NBAS: variants seen among roughly 807,000 people sequenced by gnomAD.
The protein encoded by NBAS is NAG/BC035112 fusion.
NBAS carries 219 observed loss-of-function variants against 302.5 expected under a neutral mutation model. The ratio of observed to expected loss-of-function variants is 0.72; its 90% CI spans 0.65 to 0.81. The LOEUF is 0.81. Ranked by LOEUF, NBAS falls within the 30% of genes least tolerant of loss-of-function variation. NBAS has a pLI of 0.00. For synonymous variants in NBAS, 1,118 were observed against 1,021.6 expected (o/e 1.09, Z -1.80); for missense variants, 2,932 against 2,841.6 (o/e 1.03, Z -0.72).
chr2:15,012,474 G>GA, the NBAS span, among the ~76,000 whole-genome samples: 1 of 152,128 alleles, frequency 6.6e-6, no homozygotes, highest in Non-Finnish European at 1.5e-5. Context: ...GAAAGCTGCA[G>GA]AAAATATATT....
At chr2:15,234,514 G>C (rs1414506818) in intron 46 of NBAS, 31 bp downstream of exon 46, 1 of 1,608,384 alleles carries the variant, frequency 6.2e-7, no homozygotes, top group East Asian at 2.2e-5. Flanking sequence ...TGTCACCCCA[G>C]TTTTTCCACA....
At chr2:15,116,317 G>C in the NBAS span, among the ~76,000 whole-genome samples, 2 of 152,268 alleles carry the variant, frequency 1.3e-5, no homozygotes, top group East Asian at 3.9e-4. Flanking sequence ...ATTTCTTACA[G>C]TTCCCAAGGC....
the NBAS span, among the ~76,000 whole-genome samples, chr2:14,946,598 A>G: frequency 6.6e-6 from 1 of 152,202 alleles, no homozygotes; most frequent in Non-Finnish European, 1.5e-5. Context: ...AGAGCAAAGG[A>G]CTTCAACACC....
chr2:15,120,270 G>T, the NBAS span, among the ~76,000 whole-genome samples: 4 of 152,090 alleles, frequency 2.6e-5, no homozygotes, highest in African/African-American at 7.2e-5. Flanking sequence ...CCACGCCAGG[G>T]TATTGGTTGG....
At chr2:15,495,595 G>C (rs1214714285) in intron 11 of NBAS, among the ~76,000 whole-genome samples, 1 of 152,076 alleles carries the variant, frequency 6.6e-6, no homozygotes, top group Non-Finnish European at 1.5e-5. Context: ...TAAATAAACA[G>C]ATAAACCTAA....
At chr2:14,792,789 AT>A in the NBAS span, among the ~76,000 whole-genome samples, 1 of 152,190 alleles carries the variant, frequency 6.6e-6, no homozygotes, top group African/African-American at 2.4e-5. Flanking sequence ...CACAACTTGA[AT>A]GAGAAAAGGT....
chr2:15,031,638 C>T, the NBAS span, among the ~76,000 whole-genome samples: 1 of 152,192 alleles, frequency 6.6e-6, no homozygotes, highest in Non-Finnish European at 1.5e-5. Flanking sequence ...GTAAGAGGGG[C>T]TTCGGAACCA....
chr2:14,996,968 C>T, the NBAS span, among the ~76,000 whole-genome samples: 1 of 152,050 alleles, frequency 6.6e-6, no homozygotes, highest in African/African-American at 2.4e-5. Flanking sequence ...GATTCTAAAA[C>T]AAACAAAGAA....
At chr2:14,917,713 G>A in the NBAS span, among the ~76,000 whole-genome samples, 1 of 152,178 alleles carries the variant, frequency 6.6e-6, no homozygotes, top group Non-Finnish European at 1.5e-5. Flanking sequence ...AGGCATTACT[G>A]TGGCAGCCCT....
At chr2:14,861,310 T>G in the NBAS span, among the ~76,000 whole-genome samples, 1 of 152,236 alleles carries the variant, frequency 6.6e-6, no homozygotes, top group Non-Finnish European at 1.5e-5. Flanking sequence ...GGTCTTCATT[T>G]ATCTCACTGG....
chr2:15,528,899 G>GTGTGTGTATATATATATATA (rs371520377), intron 9 of NBAS, among the ~76,000 whole-genome samples: 2 of 122,246 alleles, frequency 1.6e-5, no homozygotes, highest in African/African-American at 6.2e-5. Flanking sequence ...ATATATATAT[G>GTGTGTGTATATATATATATA]TGTGTATATA....
the NBAS span, among the ~76,000 whole-genome samples, chr2:15,088,630 A>C: frequency 6.6e-6 from 1 of 152,202 alleles, no homozygotes; most frequent in East Asian, 1.9e-4. Context: ...CAGGAAGGGG[A>C]CCCAGCGATT....
the NBAS span, among the ~76,000 whole-genome samples, chr2:15,016,503 C>G: frequency 6.6e-6 from 1 of 152,064 alleles, no homozygotes; most frequent in Non-Finnish European, 1.5e-5. Flanking sequence ...ATATGCCATG[C>G]TCATGGATTG....
Position 15,467,779 on chromosome 2 carries a change from T to A in NBAS, c.1903A>T (p.Ile635Phe), listed in dbSNP as rs201269329. The A allele has an allele frequency of 1.3e-4, 211 of 1,593,412 alleles. No individual in the cohort carries two copies. Among genetic ancestry groups the A allele is most frequent in the Non-Finnish European group, 1.7e-4 (203 of 1,161,630 alleles). ...AGCTCTTCATAGGAGATACTGTCAA[T>A]GTCTATTTCACCAGGTAATGTAAAT... is the stretch of plus-strand genomic sequence containing the variant. ...GRFTLPGEID[I>F]DSISYEELSP... Residue 635 changes from isoleucine to phenylalanine, a missense_variant, in exon 18 of 52, where the codon ATT becomes TTT. Transcript: ENST00000281513.
chr2:15,320,911 A>G (rs1225042016), intron 38 of NBAS, among the ~76,000 whole-genome samples: 1 of 152,190 alleles, frequency 6.6e-6, no homozygotes. Flanking sequence ...GTTCATATGG[A>G]ACCAAAAAAG....
chr2:15,106,997 A>G, the NBAS span, among the ~76,000 whole-genome samples: 2 of 152,198 alleles, frequency 1.3e-5, no homozygotes, highest in East Asian at 3.9e-4. Flanking sequence ...GGCTGCTTCC[A>G]GGGTCTGTTC....
chr2:14,818,655 A>G, the NBAS span, among the ~76,000 whole-genome samples: 1 of 152,244 alleles, frequency 6.6e-6, no homozygotes, highest in Non-Finnish European at 1.5e-5. Flanking sequence ...AATTTGCGAC[A>G]GTCCTTACCG....
the NBAS span, among the ~76,000 whole-genome samples, chr2:15,088,020 G>C: frequency 6.6e-6 from 1 of 152,344 alleles, no homozygotes; most frequent in Middle Eastern, 3.4e-3. Context: ...ATTGAGAAGA[G>C]ACGGGAATGT....
At chr2:14,965,996 A>G in the NBAS span, among the ~76,000 whole-genome samples, 2 of 152,294 alleles carry the variant, frequency 1.3e-5, no homozygotes, top group South Asian at 4.1e-4. Context: ...GAATATAGAA[A>G]TTTGAACACA....
Sources: gnomAD v4.1 joint callset for allele counts (sites outside exome capture counted in the v4.1 genomes callset) on GRCh38, gnomAD v4.1.1 for gene constraint, MANE v1.5 for transcripts, NCBI Gene and HGNC (gene_info 2026-07-23, HGNC 2026-07-21) for gene names.